Variants in CAMTA1 observed in about 807,000 individuals in gnomAD.
CAMTA1 encodes calmodulin-binding transcription activator 1.
In CAMTA1, 27 loss-of-function variants were observed where a neutral mutation model predicts 170.9. The ratio of observed to expected loss-of-function variants is 0.16; its 90% CI spans 0.12 to 0.22. The LOEUF is 0.22. CAMTA1 is among the 10% of genes least tolerant of loss of function. The probability of loss-of-function intolerance (pLI) is 1.00; values close to 1 mark genes in which losing one functional copy is unlikely to be tolerated. For synonymous variants in CAMTA1, 833 were observed against 891.5 expected, an observed-to-expected ratio of 0.93 and a Z score of 1.17; for missense variants, 1,619 against 2,217.2, an observed-to-expected ratio of 0.73 and a Z score of 5.42.
At chr1:7,012,572 C>T (rs771811366) in intron 3 of CAMTA1, among the ~76,000 whole-genome samples, 18 of 152,180 alleles carry the variant, frequency 1.2e-4, no homozygotes, top group Admixed American at 2.0e-4. Flanking sequence ...CTTGGAGAGC[C>T]GTCCACAGGG....
At chr1:7,196,884 C>A (rs893925929) in intron 4 of CAMTA1, among the ~76,000 whole-genome samples, 1 of 152,108 alleles carries the variant, frequency 6.6e-6, no homozygotes, top group African/African-American at 2.4e-5. Context: ...AGTTTCAGTC[C>A]TCGGTTGTAA....
At chr1:7,033,837 A>G (rs970544555) in intron 3 of CAMTA1, among the ~76,000 whole-genome samples, 3 of 151,656 alleles carry the variant, frequency 2.0e-5, no homozygotes, top group Admixed American at 2.0e-4. Context: ...CAAGTGATCC[A>G]CCCCCTTTGG....
At chr1:6,856,105 A>G (rs373763308) in intron 3 of CAMTA1, among the ~76,000 whole-genome samples, 4 of 152,088 alleles carry the variant, frequency 2.6e-5, no homozygotes, top group Non-Finnish European at 4.4e-5. Context: ...GCTGCTGGGT[A>G]TGGCCTGCTG....
rs375880645 is a variant in CAMTA1, at chr1:6,987,514, A to T, written c.235-103790A>T. Reference sequence around the variant, plus strand: ...TGGGGCTCTGGCATTGCTATTATTTAAGAGCTCCCAAATGATTCTAGTGTC... The same window carrying T: ...TGGGGCTCTGGCATTGCTATTATTTTAGAGCTCCCAAATGATTCTAGTGTC... On this transcript the variant is annotated intron_variant, in intron 3 of 22. Coordinates refer to ENST00000303635, the MANE Select transcript of CAMTA1 (RefSeq NM_015215.4). 1.5e-4 allele frequency among the ~76,000 whole-genome samples: 23 copies of T among 152,264 alleles called. 1 individual carries two copies. The South Asian group carries it at 4.1e-3, about 27-fold the overall frequency.
chr1:6,789,451 C>G (rs1038891340), intron 1 of CAMTA1, among the ~76,000 whole-genome samples: 7 of 152,100 alleles, frequency 4.6e-5, no homozygotes, highest in Non-Finnish European at 1.0e-4. Flanking sequence ...GTTTTTTTCC[C>G]CACTGTTTCA....
intron 5 of CAMTA1, among the ~76,000 whole-genome samples, chr1:7,291,255 A>G (rs2149502029): frequency 6.6e-6 from 1 of 152,214 alleles, no homozygotes; most frequent in East Asian, 1.9e-4. Flanking sequence ...CTCTGGCAGG[A>G]TCATCCATCG....
intron 11 of CAMTA1, among the ~76,000 whole-genome samples, chr1:7,721,148 G>A (rs1020523953): frequency 1.3e-5 from 2 of 152,172 alleles, no homozygotes; most frequent in African/African-American, 4.8e-5. Context: ...CTAGCCTCTA[G>A]CAGGAATGAC....
intron 6 of CAMTA1, among the ~76,000 whole-genome samples, chr1:7,513,437 CTT>C (rs2094231437): frequency 6.6e-6 from 1 of 152,156 alleles, no homozygotes; most frequent in African/African-American, 2.4e-5. Context: ...TCTACCGCCT[CTT>C]AGCTCTGGAG....
intron 3 of CAMTA1, among the ~76,000 whole-genome samples, chr1:6,985,840 C>T (rs1485146915): frequency 6.6e-6 from 1 of 152,210 alleles, no homozygotes; most frequent in Non-Finnish European, 1.5e-5. Flanking sequence ...CATTTTCACA[C>T]ATCGCTGACT....
chr1:7,605,376 G>T (rs1052671979), intron 6 of CAMTA1, among the ~76,000 whole-genome samples: 1 of 152,196 alleles, frequency 6.6e-6, no homozygotes, highest in Non-Finnish European at 1.5e-5. Context: ...CTCAAGCCTC[G>T]GCAATGGCAG....
At chr1:6,889,730 G>A (rs989966685) in intron 3 of CAMTA1, among the ~76,000 whole-genome samples, 4 of 152,184 alleles carry the variant, frequency 2.6e-5, no homozygotes, top group Admixed American at 6.5e-5. Flanking sequence ...TTGTGTGTGT[G>A]TAGAAGATGC....
intron 5 of CAMTA1, among the ~76,000 whole-genome samples, chr1:7,253,038 C>T (rs1248114837): frequency 6.6e-6 from 1 of 152,092 alleles, no homozygotes; most frequent in Non-Finnish European, 1.5e-5. Context: ...GTCTGCAAGC[C>T]AAGGAGAAGC....
chr1:7,600,621 A>C (rs57267196), intron 6 of CAMTA1, among the ~76,000 whole-genome samples: 22,694 of 150,892 alleles, frequency 0.15, 1,909 homozygotes, highest in African/African-American at 0.21. Flanking sequence ...TAGGCAGAGG[A>C]CCCTGCGGCC....
intron 3 of CAMTA1, among the ~76,000 whole-genome samples, chr1:6,988,831 A>G (rs1379404174): frequency 6.6e-6 from 1 of 152,158 alleles, no homozygotes; most frequent in African/African-American, 2.4e-5. Flanking sequence ...AGTTTAACCC[A>G]TCACCCCAGC....
At chr1:6,881,327 C>A (rs184051437) in intron 3 of CAMTA1, among the ~76,000 whole-genome samples, 2 of 152,112 alleles carry the variant, frequency 1.3e-5, no homozygotes, top group Non-Finnish European at 2.9e-5. Context: ...TGTGACTGAG[C>A]GGGTATCTCT....
At chr1:7,098,184 G>A (rs1237702610) in intron 4 of CAMTA1, among the ~76,000 whole-genome samples, 1 of 152,184 alleles carries the variant, frequency 6.6e-6, no homozygotes, top group East Asian at 1.9e-4. Context: ...GGTGGCCAGA[G>A]TTCGGAAGGG....
chr1:7,582,098 C>A (rs1258276514), intron 6 of CAMTA1, among the ~76,000 whole-genome samples: 2 of 152,142 alleles, frequency 1.3e-5, no homozygotes, highest in Non-Finnish European at 2.9e-5. Flanking sequence ...CACGCGTAGG[C>A]CAGCAGCAGG....
At chr1:7,598,215 T>C (rs1391853657) in intron 6 of CAMTA1, among the ~76,000 whole-genome samples, 3 of 152,128 alleles carry the variant, frequency 2.0e-5, no homozygotes, top group Non-Finnish European at 2.9e-5. Context: ...GATAGTTTGC[T>C]GAGAATAATG....
chr1:7,284,500 G>T (rs6699198), intron 5 of CAMTA1, among the ~76,000 whole-genome samples: 103 of 152,218 alleles, frequency 6.8e-4, no homozygotes, highest in African/African-American at 2.3e-3. Flanking sequence ...CCACGTCCAG[G>T]CTTGCTGCTT....
Sources: allele counts gnomAD v4.1 joint callset (sites outside exome capture counted in the v4.1 genomes callset), GRCh38; gene constraint gnomAD v4.1.1; transcripts MANE v1.5; gene names NCBI Gene and HGNC (gene_info 2026-07-23, HGNC 2026-07-21).